The following TNIP3 variants were observed in gnomAD, a reference collection of about 807,000 sequenced individuals.
TNIP3 encodes TNFAIP3-interacting protein 3.
Under a neutral mutation model 54.1 loss-of-function variants are expected in TNIP3, and 34 were observed. That is an observed-to-expected ratio of 0.63 (90% CI 0.48 to 0.84). The LOEUF is 0.84. Ranked by LOEUF, TNIP3 falls within the 40% of genes least tolerant of loss-of-function variation. TNIP3 has a pLI of 0.00. For synonymous variants in TNIP3, 134 were observed against 136.8 expected (o/e 0.98, Z 0.14); for missense variants, 366 against 387.6 (o/e 0.94, Z 0.47).
At chr4:121,222,464 T>G (rs1164670093) in intron 1 of TNIP3, among the ~76,000 whole-genome samples, 2 of 152,198 alleles carry the variant, frequency 1.3e-5, no homozygotes, top group Non-Finnish European at 2.9e-5. Context: ...GCATATTATT[T>G]AAATACTCTG....
At chr4:121,144,000 T>C (rs1438193161) in intron 7 of TNIP3, among the ~76,000 whole-genome samples, 2 of 152,166 alleles carry the variant, frequency 1.3e-5, no homozygotes, top group Non-Finnish European at 2.9e-5. Flanking sequence ...ACTAGGAATG[T>C]GTATATGTCA....
chr4:121,140,252 T>C (rs1417567580), intron 9 of TNIP3, among the ~76,000 whole-genome samples: 1 of 152,048 alleles, frequency 6.6e-6, no homozygotes, highest in East Asian at 1.9e-4. Flanking sequence ...GAGAATTGCC[T>C]GAACCCAGGA....
chr4:121,217,718 A>G (rs1166658810), upstream of TNIP3, among the ~76,000 whole-genome samples: 1 of 152,246 alleles, frequency 6.6e-6, no homozygotes, highest in Non-Finnish European at 1.5e-5. Context: ...AGTGACTGCA[A>G]TAAGTGTCCA....
At chr4:121,137,660 T>A (rs1356513808) in intron 10 of TNIP3, 1 of 257,812 alleles carries the variant, frequency 3.9e-6, no homozygotes, top group Non-Finnish European at 7.7e-6. Context: ...AAACTACATG[T>A]GGTGTCCCTG....
intron 2 of TNIP3, among the ~76,000 whole-genome samples, chr4:121,211,254 G>A (rs1410741668): frequency 6.6e-6 from 1 of 152,146 alleles, no homozygotes; most frequent in East Asian, 1.9e-4. Flanking sequence ...TGAAGTGACA[G>A]CTAGAGTCTT....
intron 2 of TNIP3, among the ~76,000 whole-genome samples, chr4:121,208,336 G>A (rs186976267): frequency 1.2e-4 from 19 of 152,264 alleles, no homozygotes; most frequent in African/African-American, 3.6e-4. Context: ...CCCAGGAAGA[G>A]ATATTTTACA....
At chr4:121,157,283 T>A (rs766066173) in intron 3 of TNIP3, 40 bp from the exon 4 acceptor site, 1 of 1,613,510 alleles carries the variant, frequency 6.2e-7, no homozygotes, top group African/African-American at 1.3e-5. Flanking sequence ...ATACCTTCTC[T>A]GAAGCTCACA....
intron 2 of TNIP3, among the ~76,000 whole-genome samples, chr4:121,197,034 A>G (rs1725627806): frequency 6.6e-6 from 1 of 152,168 alleles, no homozygotes; most frequent in Admixed American, 6.5e-5. Context: ...TCAAAGTCTT[A>G]ATGAACTTAA....
intron 3 of TNIP3, among the ~76,000 whole-genome samples, chr4:121,173,238 T>C (rs995280053): frequency 1.4e-4 from 22 of 152,148 alleles, no homozygotes; most frequent in Non-Finnish European, 3.1e-4. Context: ...GGAATATGAT[T>C]CAGGGAAGTT....
intron 2 of TNIP3, among the ~76,000 whole-genome samples, chr4:121,205,729 A>G (rs1165000362): frequency 6.6e-6 from 1 of 152,094 alleles, no homozygotes; most frequent in Non-Finnish European, 1.5e-5. Context: ...AAAAAGCTCA[A>G]GGATGCCTCC....
chr4:121,190,869 A>T (rs1311681350), intron 2 of TNIP3, among the ~76,000 whole-genome samples: 1 of 152,204 alleles, frequency 6.6e-6, no homozygotes, highest in East Asian at 1.9e-4. Context: ...TGGAAGACCA[A>T]GTTATGCTAA....
intron 7 of TNIP3, among the ~76,000 whole-genome samples, chr4:121,144,125 T>A (rs995031447): frequency 6.6e-6 from 1 of 152,218 alleles, no homozygotes; most frequent in Non-Finnish European, 1.5e-5. Flanking sequence ...ATATGCAGAA[T>A]TTGTGATGAT....
In TNIP3 at chr4:121,136,046, G is replaced by C. The variant is rs138823119; in HGVS notation, c.946+2578C>G. ...CTCTGCTGCTGGCCAGCCATAGTTA[G>C]TTGCAGAGCTGTGTTAGTATGGAAA... On this transcript the variant is annotated intron_variant, in intron 10 of 10. Transcript: ENST00000057513. 1.7e-3 allele frequency among the ~76,000 whole-genome samples: 257 copies of C among 152,314 alleles called. 3 individuals carry two copies. The highest frequency in any genetic ancestry group is 0.01 in the East Asian group (52 of 5,188).
chr4:121,139,321 G>A (rs1395644182), intron 9 of TNIP3, among the ~76,000 whole-genome samples: 2 of 152,170 alleles, frequency 1.3e-5, no homozygotes, highest in African/African-American at 4.8e-5. Context: ...AGAACAGCTA[G>A]ATATTGAATG....
At chr4:121,161,630 C>A (rs1002760862) in intron 1 of TNIP3, among the ~76,000 whole-genome samples, 2 of 151,952 alleles carry the variant, frequency 1.3e-5, no homozygotes, top group Non-Finnish European at 2.9e-5. Context: ...GGTAGCTGTG[C>A]CCATGAACAT....
In TNIP3 at chr4:121,161,921, C is replaced by A. The variant is rs1182922205; in HGVS notation, c.67-705G>T. 3.3e-5 allele frequency among the ~76,000 whole-genome samples: 5 copies of A among 152,202 alleles called. No homozygotes were observed. The South Asian group carries it at 1.0e-3, about 32-fold the overall frequency. On this transcript the variant is annotated intron_variant, in intron 1 of 10. Transcript: ENST00000057513. ...GAAGCTGTCTGCCATCTGCCTAAATCGACTAAGAACAATATTTACTTAAAT... is the reference window on the plus strand; with the variant it reads ...GAAGCTGTCTGCCATCTGCCTAAATAGACTAAGAACAATATTTACTTAAAT...
In TNIP3 at chr4:121,138,627, T is replaced by C. The variant is rs994181177; in HGVS notation, c.943A>G (p.Asn315Asp). ...QLPPDVQHKA[N>D]GLSSVKKVHP ...CTCAATACAGCTGTGGTCTCACCAT[T>C]TGCCTTGTGTTGTACATCTGGCGGA... The change falls in exon 10 of 11, where the codon AAT becomes GAT. Residue 315 changes from asparagine to aspartate, a missense_variant. Transcript: ENST00000057513. 3.7e-6 allele frequency: 6 copies of C among 1,613,756 alleles called. No homozygotes were observed. The Admixed American group carries it at 6.7e-5, about 18-fold the overall frequency.
intron 2 of TNIP3, among the ~76,000 whole-genome samples, chr4:121,205,733 T>C (rs559099784): frequency 2.0e-5 from 3 of 152,050 alleles, no homozygotes; most frequent in Admixed American, 6.6e-5. Context: ...AGCTCAAGGA[T>C]GCCTCCAAGT....
intron 7 of TNIP3, 50 bp from the exon 8 acceptor site, chr4:121,142,826 A>G: frequency 6.6e-7 from 1 of 1,523,220 alleles, no homozygotes; most frequent in Non-Finnish European, 9.1e-7. Flanking sequence ...TAAAATCATT[A>G]ATTCCCAAGC....
Sources: gnomAD v4.1 joint callset for allele counts (sites outside exome capture counted in the v4.1 genomes callset) on GRCh38, gnomAD v4.1.1 for gene constraint, MANE v1.5 for transcripts, NCBI Gene and HGNC (gene_info 2026-07-23, HGNC 2026-07-21) for gene names.